PCDHA9: variants seen among roughly 807,000 people sequenced by gnomAD.
PCDHA9 encodes protocadherin alpha-9.
PCDHA9 carries 62 observed loss-of-function variants against 62.0 expected under a neutral mutation model. That is an observed-to-expected ratio of 1.00 (90% CI 0.81 to 1.23). The LOEUF (loss-of-function observed/expected upper bound fraction) is 1.23, where lower values mean the gene tolerates loss of function less well. Ranked by LOEUF, PCDHA9 falls within the 50% of genes most tolerant of loss-of-function variation. PCDHA9 has a pLI of 0.00. For synonymous variants in PCDHA9, 557 were observed against 567.6 expected, an observed-to-expected ratio of 0.98 and a Z score of 0.27; for missense variants, 1,205 against 1,249.8, an observed-to-expected ratio of 0.96 and a Z score of 0.54.
In PCDHA9 at chr5:141,003,361, G is replaced by A. The variant is rs2098120892; in HGVS notation, c.2543-6266G>A. Among the ~76,000 whole-genome samples the A allele has an allele frequency of 5.9e-5, 9 of 152,298 alleles. No individual in the cohort carries two copies. The South Asian group carries it at 1.9e-3, about 32-fold the overall frequency. On this transcript the variant is annotated intron_variant, in intron 3 of 3. Coordinates refer to ENST00000532602, the MANE Select transcript of PCDHA9 (RefSeq NM_031857.2). ...TTTGTTTGCTCTGTCACCCAGGCTG[G>A]AGTGCAGTGGTGCAATCTCAGCTCA...
intron 1 of PCDHA9, among the ~76,000 whole-genome samples, chr5:140,923,629 G>A (rs1350871926): frequency 6.6e-6 from 1 of 152,138 alleles, no homozygotes; most frequent in Non-Finnish European, 1.5e-5. Flanking sequence ...TTATCCAAAA[G>A]GCAAAAATCT....
intron 1 of PCDHA9, among the ~76,000 whole-genome samples, chr5:140,888,860 A>C (rs1349587487): frequency 6.6e-6 from 1 of 152,086 alleles, no homozygotes; most frequent in Non-Finnish European, 1.5e-5. Flanking sequence ...GAGTGAGACC[A>C]TGTCTCAACA....
At chr5:140,966,267 G>T (rs141363782) in intron 1 of PCDHA9, 112 of 351,092 alleles carry the variant, frequency 3.2e-4, no homozygotes, top group Non-Finnish European at 4.7e-4. Context: ...GAGACTGGAT[G>T]AACTGGACAG....
At position 140,953,880 on chromosome 5, in the gene PCDHA9, C is replaced by T. The variant is rs56350351; in HGVS notation, c.2395-25069C>T. On this transcript the variant is annotated intron_variant, in intron 1 of 3. Coordinates refer to ENST00000532602, the MANE Select transcript of PCDHA9 (RefSeq NM_031857.2). ...TGGTGGTTTGCTGCACAGATCAACCCATCACCTAGGTATTAAGCCCAGCAT... is the reference window on the plus strand; with the variant it reads ...TGGTGGTTTGCTGCACAGATCAACCTATCACCTAGGTATTAAGCCCAGCAT... Among the ~76,000 whole-genome samples, 609 of 152,246 alleles carry T rather than the reference C, an allele frequency of 4.0e-3. 7 individuals are homozygous for T. Among genetic ancestry groups the T allele is most frequent in the African/African-American group, 0.014 (577 of 41,548 alleles).
chr5:140,871,272 G>A, intron 1 of PCDHA9: 2 of 1,613,942 alleles, frequency 1.2e-6, no homozygotes, highest in South Asian at 2.2e-5. Flanking sequence ...TGTGGTGGTC[G>A]GCAACGCCCA....
intron 3 of PCDHA9, among the ~76,000 whole-genome samples, chr5:140,994,778 G>A (rs1488910527): frequency 1.3e-5 from 2 of 152,152 alleles, no homozygotes; most frequent in Non-Finnish European, 2.9e-5. Flanking sequence ...TCCAGGCAAA[G>A]GAAACAATGC....
intron 1 of PCDHA9, among the ~76,000 whole-genome samples, chr5:140,951,667 C>T (rs180768474): frequency 6.6e-6 from 1 of 152,156 alleles, no homozygotes; most frequent in African/African-American, 2.4e-5. Context: ...GGCCTGCCTA[C>T]AAAATTGGGG....
At chr5:140,966,259 G>C (rs1358322921) in intron 1 of PCDHA9, 1 of 340,612 alleles carries the variant, frequency 2.9e-6, no homozygotes, top group Non-Finnish European at 5.3e-6. Context: ...AGACGGTGGA[G>C]ACTGGATGAA....
rs200797202 is a variant in PCDHA9 at position 140,937,911 on chromosome 5, C to CA, written c.2395-41022dup. On this transcript the variant is annotated intron_variant, in intron 1 of 3. Coordinates refer to ENST00000532602, the MANE Select transcript of PCDHA9 (RefSeq NM_031857.2). ...TGGGCGACAGAGTGAGACTCCGTCT[C>CA]AAAAAAAAAAAAAAAAGTTTAATTT... 3.1e-3 allele frequency among the ~76,000 whole-genome samples: 361 copies of CA among 117,828 alleles called. 2 individuals are homozygous for CA. In the East Asian group the frequency reaches 0.042, roughly 14 times the overall value. 77.3% of individuals were successfully genotyped at this position (117,828 alleles called of 152,430 possible).
chr5:140,870,554 A>G (rs1554164402), intron 1 of PCDHA9: 1 of 1,614,044 alleles, frequency 6.2e-7, no homozygotes, highest in Non-Finnish European at 8.5e-7. Flanking sequence ...GCGGACGCGC[A>G]GGAGAACGCG....
chr5:140,985,504 A>G (rs1368014181), intron 3 of PCDHA9, among the ~76,000 whole-genome samples: 2 of 152,170 alleles, frequency 1.3e-5, no homozygotes, highest in Non-Finnish European at 2.9e-5. Context: ...CCTGCCTTTC[A>G]TTGATTCTGT....
At chr5:140,989,546 CT>C (rs1343132361) in intron 3 of PCDHA9, among the ~76,000 whole-genome samples, 1 of 152,140 alleles carries the variant, frequency 6.6e-6, no homozygotes, top group African/African-American at 2.4e-5. Context: ...TTTGTAATTC[CT>C]TTACGTTTTG....
At chr5:140,875,935 G>A (rs781964808) in intron 1 of PCDHA9, 14 of 1,614,210 alleles carry the variant, frequency 8.7e-6, no homozygotes, top group African/African-American at 1.3e-5. Flanking sequence ...TTTTCCTCTA[G>A]AGGGCGCTTC....
chr5:140,967,833 T>C, intron 1 of PCDHA9: 1 of 1,614,132 alleles, frequency 6.2e-7, no homozygotes, highest in Non-Finnish European at 8.5e-7. Context: ...GTGGACATCG[T>C]GGACGTGAAT....
rs1358633051 is a variant in PCDHA9, at chr5:140,859,520, T to TA, written c.2394+8639dup. On this transcript the variant is annotated intron_variant, in intron 1 of 3. Coordinates refer to ENST00000532602, the MANE Select transcript of PCDHA9 (RefSeq NM_031857.2). ...TACCTGATACCCATGATTTCATTTT[T>TA]AAAAAAAATTTATTAATTCTAGTGT... 5.7e-5 allele frequency: 11 copies of TA among 194,288 alleles called. 2 individuals are homozygous for TA. The highest frequency in any genetic ancestry group is 1.0e-4 in the Non-Finnish European group (10 of 97,338). The allele number at this position is 194,288 out of a possible 1,614,324, so 12.0% of individuals were successfully genotyped here. A position where few individuals can be genotyped will look rare whatever the true frequency, so the allele number is the denominator to read the frequency against.
intron 3 of PCDHA9, among the ~76,000 whole-genome samples, chr5:140,990,953 A>G (rs371951430): frequency 6.6e-6 from 1 of 152,194 alleles, no homozygotes; most frequent in Non-Finnish European, 1.5e-5. Flanking sequence ...GACTGTAGAA[A>G]TAGTCTCTTA....
At chr5:140,869,752 G>A (rs1398153775) in intron 1 of PCDHA9, 17 of 1,613,136 alleles carry the variant, frequency 1.1e-5, no homozygotes, top group African/African-American at 1.3e-5. Context: ...AGCTACAGAC[G>A]GGGGAAAACC....
rs782277287 is a variant in PCDHA9 at position 140,929,397 on chromosome 5, T to C, written c.2395-49552T>C. 4.6e-6 allele frequency: 7 copies of C among 1,509,852 alleles called. No homozygotes were observed. In the South Asian group the frequency reaches 9.5e-5, roughly 21 times the overall value. The allele number at this position is 1,509,852 out of a possible 1,614,324, so 93.5% of individuals were successfully genotyped here. A position where few individuals can be genotyped will look rare whatever the true frequency, so the allele number is the denominator to read the frequency against. Reference sequence around the variant, plus strand: ...GCTAGCTGTGTTTTGAAATATTTCTTAGACAAGCCTTTCACAACATTTCAT... The same window carrying C: ...GCTAGCTGTGTTTTGAAATATTTCTCAGACAAGCCTTTCACAACATTTCAT... On this transcript the variant is annotated intron_variant, in intron 1 of 3. Transcript: ENST00000532602.
At chr5:140,868,966 A>G (rs2050768695) in intron 1 of PCDHA9, 1 of 1,433,890 alleles carries the variant, frequency 7.0e-7, no homozygotes, top group Non-Finnish European at 9.3e-7. Flanking sequence ...CATACAAAGG[A>G]ACTCCATCAT....
Sources: allele counts gnomAD v4.1 joint callset (sites outside exome capture counted in the v4.1 genomes callset), GRCh38; gene constraint gnomAD v4.1.1; transcripts MANE v1.5; gene names NCBI Gene and HGNC (gene_info 2026-07-23, HGNC 2026-07-21).